EPS15L1: variants seen among roughly 807,000 people sequenced by gnomAD.
The protein encoded by EPS15L1 is epidermal growth factor receptor substrate 15-like 1.
EPS15L1 carries 43 observed loss-of-function variants against 117.1 expected under a neutral mutation model. The ratio of observed to expected loss-of-function variants is 0.37; its 90% CI spans 0.29 to 0.47. The LOEUF is 0.47. Ranked by LOEUF, EPS15L1 falls within the 20% of genes least tolerant of loss-of-function variation. The pLI is 0.99. For missense variants in EPS15L1, 981 were observed against 1,164.0 expected (o/e 0.84, Z 2.29); for synonymous variants, 459 against 470.5 (o/e 0.98, Z 0.32).
chr19:16,464,812 G>GCA (rs1395633586), intron 1 of EPS15L1, among the ~76,000 whole-genome samples: 1 of 152,078 alleles, frequency 6.6e-6, no homozygotes, highest in Non-Finnish European at 1.5e-5. Flanking sequence ...GGGTGGGCAT[G>GCA]GTGGCTCACG....
intron 23 of EPS15L1, among the ~76,000 whole-genome samples, chr19:16,358,699 C>T (rs2092014403): frequency 6.6e-6 from 1 of 152,260 alleles, no homozygotes; most frequent in Non-Finnish European, 1.5e-5. Context: ...CGCCCGGCAC[C>T]TGTCCTCACT....
At chr19:16,358,394 G>C (rs911406921) in intron 23 of EPS15L1, 1 of 152,558 alleles carries the variant, frequency 6.6e-6, no homozygotes. Context: ...AGCCCTGGAC[G>C]GGGCCACCTT....
intron 1 of EPS15L1, among the ~76,000 whole-genome samples, chr19:16,448,682 T>G (rs2093110510): frequency 6.6e-6 from 1 of 151,202 alleles, no homozygotes; most frequent in African/African-American, 2.4e-5. Flanking sequence ...ACAAAAAAAT[T>G]AGCTGGGTGT....
chr19:16,393,607 C>A (rs549925616), intron 18 of EPS15L1, among the ~76,000 whole-genome samples: 6 of 149,422 alleles, frequency 4.0e-5, no homozygotes, highest in Admixed American at 2.0e-4. Flanking sequence ...CGAGATCGCG[C>A]CACTGCACTC....
chr19:16,394,673 G>A (rs1448687483), intron 17 of EPS15L1, among the ~76,000 whole-genome samples: 2 of 152,156 alleles, frequency 1.3e-5, no homozygotes. Context: ...CCAGACCTTA[G>A]GTTTATGTAG....
At chr19:16,387,840 G>A (rs1357839539) in intron 19 of EPS15L1, among the ~76,000 whole-genome samples, 1 of 152,050 alleles carries the variant, frequency 6.6e-6, no homozygotes, top group African/African-American at 2.4e-5. Flanking sequence ...AAGTGAAGTT[G>A]AAAACAGAGC....
chr19:16,465,316 G>A (rs1052721389), intron 1 of EPS15L1, among the ~76,000 whole-genome samples: 4 of 152,096 alleles, frequency 2.6e-5, no homozygotes, highest in African/African-American at 4.8e-5. Flanking sequence ...GCTGTGGGCC[G>A]GGCCTGGACA....
rs767961108 is a variant in EPS15L1, at chr19:16,434,442, T to C, written c.421A>G (p.Ile141Val). ...FDGIFESLLP[I>V]NGLLSGDKVK... Reference sequence around the variant, plus strand: ...TTGTCTCCAGAGAGCAAACCATTGATGGGCAAGAGGCTTTCAAAAATCCCA... The same window carrying C: ...TTGTCTCCAGAGAGCAAACCATTGACGGGCAAGAGGCTTTCAAAAATCCCA... The change falls in exon 7 of 24, where the codon ATC becomes GTC. Residue 141 changes from isoleucine (I) to valine (V), a missense_variant. Physicochemically the swap from Ile to Val is conservative, Grantham distance 29. Coordinates refer to ENST00000455140, the MANE Select transcript of EPS15L1 (RefSeq NM_001258374.3). The C allele has an allele frequency of 5.6e-6, 9 of 1,614,178 alleles. No homozygotes were observed. In the Admixed American group the frequency reaches 1.5e-4, roughly 27 times the overall value.
At chr19:16,422,576 T>C (rs567696883) in intron 9 of EPS15L1, among the ~76,000 whole-genome samples, 56 of 152,240 alleles carry the variant, frequency 3.7e-4, no homozygotes, top group African/African-American at 1.3e-3. Context: ...ACGCAGCAAC[T>C]GTACAGAAAA....
intron 17 of EPS15L1, among the ~76,000 whole-genome samples, chr19:16,394,664 C>T (rs969470564): frequency 6.6e-6 from 1 of 152,164 alleles, no homozygotes; most frequent in Admixed American, 6.5e-5. Context: ...TAAAATTATC[C>T]AGACCTTAGG....
intron 16 of EPS15L1, chr19:16,401,300 G>A: frequency 3.0e-6 from 3 of 985,420 alleles, no homozygotes; most frequent in Non-Finnish European, 1.2e-6. Flanking sequence ...CCTTGGGACT[G>A]AGGACTTGGC....
intron 19 of EPS15L1, among the ~76,000 whole-genome samples, chr19:16,386,862 C>T: frequency 6.6e-6 from 1 of 152,174 alleles, no homozygotes; most frequent in East Asian, 1.9e-4. Context: ...GTGAGTGGCA[C>T]CAAGTTAACT....
chr19:16,437,914 G>T, intron 4 of EPS15L1, 49 bp from the exon 5 acceptor site: 1 of 1,409,758 alleles, frequency 7.1e-7, no homozygotes, highest in South Asian at 1.2e-5. Context: ...CGCCAGTGAG[G>T]GTAGGGGGAG....
chr19:16,436,763 G>A (rs757804323), intron 6 of EPS15L1, 174 bp downstream of exon 6: 17 of 534,522 alleles, frequency 3.2e-5, no homozygotes, highest in South Asian at 2.0e-4. Flanking sequence ...TAGAAGAGGC[G>A]TTTCATCCAA....
chr19:16,410,239 G>T (rs1422357802), intron 13 of EPS15L1, among the ~76,000 whole-genome samples: 2 of 152,124 alleles, frequency 1.3e-5, no homozygotes, highest in Non-Finnish European at 2.9e-5. Context: ...CATACAAATG[G>T]CTAATAAGCA....
At chr19:16,450,084 A>C (rs2093125158) in intron 1 of EPS15L1, among the ~76,000 whole-genome samples, 1 of 145,894 alleles carries the variant, frequency 6.9e-6, no homozygotes, top group Admixed American at 7.0e-5. Context: ...CCCTATCTCT[A>C]CAAAAAAAAA....
In EPS15L1 at chr19:16,471,158, G is replaced by C. The variant is rs916625338; in HGVS notation, c.33+755C>G. Among the ~76,000 whole-genome samples the C allele has an allele frequency of 6.6e-6, 1 of 152,208 alleles. No homozygotes were observed. Among genetic ancestry groups the C allele is most frequent in the Non-Finnish European group, 1.5e-5 (1 of 68,044 alleles). On this transcript the variant is annotated intron_variant, in intron 1 of 23. Transcript: ENST00000455140. This position sits in a 1 kb window ranked among gnomAD's most constrained non-coding sequence, Gnocchi z 4.8. ...ATTAGCATAACACAGGTAGTTTCTAGTTCCCACGAGTGTCACCTCCAGGAA... is the reference window on the plus strand; with the variant it reads ...ATTAGCATAACACAGGTAGTTTCTACTTCCCACGAGTGTCACCTCCAGGAA...
chr19:16,395,390 T>G lies in EPS15L1; in HGVS notation c.1869A>C (p.Glu623Asp). The change falls in exon 17 of 24, where the codon GAA becomes GAC. Residue 623 changes from glutamate to aspartate, a missense_variant. This residue lies in a region of EPS15L1 where 819 missense variants were observed against 949.0 expected (regional missense o/e 0.86). Coordinates refer to ENST00000455140, the MANE Select transcript of EPS15L1 (RefSeq NM_001258374.3). ...TAAATGGGTCAGATTTGAAGGGGTC[T>G]TCTGTCTGGAAAGGATCCGGATGCA... ...QELHPDPFQT[E>D]DPFKSDPFKG... 1 of 1,614,032 alleles carries G rather than the reference T, an allele frequency of 6.2e-7. No homozygotes were observed.
chr19:16,377,083 C>A, intron 22 of EPS15L1, 39 bp downstream of exon 22: 1 of 1,566,742 alleles, frequency 6.4e-7, no homozygotes, highest in Non-Finnish European at 8.6e-7. Context: ...CCATCCGGCA[C>A]CGGTAGGCGG....
Sources: allele counts gnomAD v4.1 joint callset (sites outside exome capture counted in the v4.1 genomes callset), GRCh38; gene constraint gnomAD v4.1.1; regional missense constraint gnomAD v4.1.1; non-coding constraint Gnocchi (gnomAD v3.1); transcripts MANE v1.5; gene names NCBI Gene and HGNC (gene_info 2026-07-23, HGNC 2026-07-21).